The following C2 variants were observed in gnomAD, a reference collection of about 807,000 sequenced individuals.
The protein encoded by C2 is C3/C5 convertase.
A neutral mutation model predicts 85.2 loss-of-function variants in C2; 64 were observed. The ratio of observed to expected loss-of-function variants is 0.75; its 90% CI spans 0.61 to 0.92. The LOEUF (loss-of-function observed/expected upper bound fraction) is 0.92, where lower values mean the gene tolerates loss of function less well. C2 is among the 40% of genes least tolerant of loss of function. The pLI is 0.00. For missense variants in C2, 820 were observed against 971.6 expected (o/e 0.84, Z 2.07); for synonymous variants, 311 against 370.8 (o/e 0.84, Z 1.85).
intron 1 of C2, among the ~76,000 whole-genome samples, chr6:31,910,867 C>T (rs1371467648): frequency 1.3e-5 from 2 of 151,942 alleles, no homozygotes; most frequent in African/African-American, 2.4e-5. Context: ...GTAATCCCAG[C>T]TACTCGGGAG....
At chr6:31,942,655 C>A (rs1420134763) in intron 9 of C2, among the ~76,000 whole-genome samples, 1 of 151,972 alleles carries the variant, frequency 6.6e-6, no homozygotes, top group Non-Finnish European at 1.5e-5. Context: ...TAAAAAGGTA[C>A]GAAAGTGAGC....
At chr6:31,919,949 T>C (rs1202106441), upstream of C2, 1 of 152,210 alleles carries the variant, frequency 6.6e-6, no homozygotes, top group Non-Finnish European at 1.5e-5. Flanking sequence ...CTCCTTTTGA[T>C]GGTCCTAATT....
At chr6:31,927,442 C>T (rs1036445214), upstream of C2, 21 of 1,344,866 alleles carry the variant, frequency 1.6e-5, no homozygotes, top group Middle Eastern at 5.5e-4. The surrounding 1 kb of genome is among the most constrained non-coding windows in gnomAD (Gnocchi z 4.7). Context: ...TGTGAGCATG[C>T]GTGTATGGTG....
intron 1 of C2, among the ~76,000 whole-genome samples, chr6:31,902,577 C>T (rs1767434441): frequency 6.6e-6 from 1 of 152,264 alleles, no homozygotes; most frequent in African/African-American, 2.4e-5. Context: ...CGCCTGCCTC[C>T]TCTGCTGAGT....
chr6:31,944,681 G>T lies in C2; in HGVS notation c.1903-46G>T. On this transcript the variant is annotated intron_variant, in intron 15 of 17. Coordinates refer to ENST00000299367, the MANE Select transcript of C2 (RefSeq NM_000063.6). The surrounding 1 kb of genome is among the most constrained non-coding windows in gnomAD (Gnocchi z 5.1). ...CAGGCGTGAGCCACTGCACCCACCC[G>T]GGTCTGCTTATTCTACCCTTCTCTC... 1 of 1,611,572 alleles carries T rather than the reference G, an allele frequency of 6.2e-7. No homozygotes were observed. The highest frequency in any genetic ancestry group is 8.5e-7 in the Non-Finnish European group (1 of 1,179,362).
upstream of C2, chr6:31,900,621 G>A: frequency 1.9e-6 from 3 of 1,612,694 alleles, no homozygotes; most frequent in Non-Finnish European, 2.5e-6. This position sits in a 1 kb window ranked among gnomAD's most constrained non-coding sequence, Gnocchi z 9.7. Flanking sequence ...CCCCCTCCCA[G>A]GCCTCCAGGG....
At chr6:31,914,071 G>A (rs1768315473) in intron 1 of C2, among the ~76,000 whole-genome samples, 1 of 151,700 alleles carries the variant, frequency 6.6e-6, no homozygotes, top group Admixed American at 6.6e-5. Context: ...ACAGGCACAT[G>A]CCAACACGCC....
At chr6:31,903,650 G>A (rs935032526) in intron 1 of C2, among the ~76,000 whole-genome samples, 5 of 152,006 alleles carry the variant, frequency 3.3e-5, no homozygotes, top group Non-Finnish European at 7.4e-5. Context: ...ACCAAAAAAG[G>A]TCATGCAACA....
intron 1 of C2, chr6:31,901,218 C>T: frequency 6.2e-7 from 1 of 1,613,470 alleles, no homozygotes; most frequent in Non-Finnish European, 8.5e-7. Context: ...CAGAACCGCT[C>T]CTCTGCCCGG....
In C2 at chr6:31,943,100, G is replaced by A. The variant is rs140225293; in HGVS notation, c.1360+1G>A. ...CACCAGGTCTTTGAACATATGCTGG[G>A]TGAGTGAGCTTTGCCCTCCTTGGTG... On this transcript the variant is annotated splice_donor_variant, in intron 10 of 17. Transcript: ENST00000299367. LOFTEE classifies it high-confidence loss of function. This position sits in a 1 kb window ranked among gnomAD's most constrained non-coding sequence, Gnocchi z 6.4. 37 of 1,613,060 alleles carry A rather than the reference G, an allele frequency of 2.3e-5. No individual in the cohort carries two copies. In the Admixed American group the frequency reaches 5.0e-4, roughly 22 times the overall value.
intron 3 of C2, among the ~76,000 whole-genome samples, chr6:31,929,895 C>A (rs1769590869): frequency 1.3e-5 from 2 of 150,066 alleles, no homozygotes; most frequent in African/African-American, 4.9e-5. Flanking sequence ...GTGGTTAATC[C>A]CAGCTACTCA....
rs2151773294 is a variant in C2, at chr6:31,944,030, C to T, written c.1810+37C>T. On this transcript the variant is annotated intron_variant, in intron 14 of 17. Transcript: ENST00000299367. The surrounding 1 kb of genome is among the most constrained non-coding windows in gnomAD (Gnocchi z 5.1). ...GACTTATGGTGCTTGAGAGCTGGGG[C>T]CGGGGTTTGGGGGTGATAACAAGGA... 1 of 1,607,536 alleles carries T rather than the reference C, an allele frequency of 6.2e-7. No homozygotes were observed. The highest frequency in any genetic ancestry group is 8.5e-7 in the Non-Finnish European group (1 of 1,175,112).
At chr6:31,909,629 T>C (rs1181993086) in intron 1 of C2, among the ~76,000 whole-genome samples, 2 of 151,300 alleles carry the variant, frequency 1.3e-5, no homozygotes, top group Non-Finnish European at 2.9e-5. Flanking sequence ...AGAGATGAAG[T>C]CTTGCTGTGT....
chr6:31,941,843 G>C (rs1453190513), intron 9 of C2: 1 of 113,736 alleles, frequency 8.8e-6, no homozygotes, highest in Non-Finnish European at 1.8e-5. Context: ...TTTTGAGATG[G>C]AGTCTTGCTC....
rs1347427112 is a variant in C2 at position 31,928,919 on chromosome 6, T to C, written c.442+2T>C. On this transcript the variant is annotated splice_donor_variant, in intron 3 of 17. Transcript: ENST00000299367. LOFTEE classifies it high-confidence loss of function. ...AAACAGCTGTGTGTGATAATGGGGG[T>C]GAGTTCTCTGGCTGATGGGCTACAC... 6.2e-7 allele frequency: 1 copy of C among 1,609,848 alleles called. No individual in the cohort carries two copies. Among genetic ancestry groups the C allele is most frequent in the Non-Finnish European group, 8.5e-7 (1 of 1,177,188 alleles).
chr6:31,943,693 G>A lies in C2; in HGVS notation c.1617G>A (p.Val539=), dbSNP rs780285398. The A allele has an allele frequency of 1.2e-6, 2 of 1,613,100 alleles. No individual in the cohort carries two copies. Among genetic ancestry groups the A allele is most frequent in the South Asian group, 1.1e-5 (1 of 91,092 alleles). The change falls in exon 13 of 18, where the codon GTG becomes GTA. Residue 539 remains valine (V), a synonymous_variant. Coordinates refer to ENST00000299367, the MANE Select transcript of C2 (RefSeq NM_000063.6). This position sits in a 1 kb window ranked among gnomAD's most constrained non-coding sequence, Gnocchi z 6.4. ...AAGAATTCCTTATTGAGAAGGCGGT[G>A]ATCTCCCCAGGGTTTGATGTCTTTG... The part of the protein sequence containing the change: ...WGKEFLIEKA[V]ISPGFDVFAK...
chr6:31,916,367 T>C (rs1768502053), upstream of C2, among the ~76,000 whole-genome samples: 1 of 152,046 alleles, frequency 6.6e-6, no homozygotes, highest in African/African-American at 2.4e-5. Flanking sequence ...GAGACCAGCC[T>C]GGCCAACACG....
At chr6:31,899,980 C>T (rs752033308), upstream of C2, 4 of 1,604,994 alleles carry the variant, frequency 2.5e-6, no homozygotes, top group Non-Finnish European at 2.6e-6. Context: ...CGTTCTCGGC[C>T]GTGGTCTTGC....
chr6:31,910,122 G>GC (rs1390955640), intron 1 of C2, among the ~76,000 whole-genome samples: 6 of 150,162 alleles, frequency 4.0e-5, no homozygotes. Flanking sequence ...CTTGTGATCC[G>GC]CCCACCTCAG....
Sources: gnomAD v4.1 joint callset for allele counts (sites outside exome capture counted in the v4.1 genomes callset) on GRCh38, gnomAD v4.1.1 for gene constraint, Gnocchi (gnomAD v3.1) non-coding constraint, MANE v1.5 for transcripts, NCBI Gene and HGNC (gene_info 2026-07-23, HGNC 2026-07-21) for gene names.